The following NXPE2 variants were observed in gnomAD, a reference collection of about 807,000 sequenced individuals.
NXPE2 encodes neurexophilin and PC-esterase domain family member 2.
A neutral mutation model predicts 34.4 loss-of-function variants in NXPE2; 34 were observed. The ratio of observed to expected loss-of-function variants is 0.99; its 90% CI spans 0.75 to 1.31. The LOEUF is 1.31. Among genes scored for constraint, NXPE2 ranks in the 40% most tolerant of loss-of-function variants. The probability of loss-of-function intolerance (pLI) is 0.00; values close to 1 mark genes in which losing one functional copy is unlikely to be tolerated. For synonymous variants in NXPE2, 235 were observed against 231.3 expected (o/e 1.02, Z -0.15); for missense variants, 649 against 672.5 (o/e 0.97, Z 0.39).
chr11:114,706,868 G>T lies in NXPE2; in HGVS notation c.1618G>T (p.Ala540Ser), dbSNP rs1352610542. The T allele has an allele frequency of 6.4e-7, 1 of 1,551,774 alleles. No homozygotes were observed. Among genetic ancestry groups the T allele is most frequent in the Admixed American group, 2.0e-5 (1 of 50,986 alleles). ...DMTIAYCTNN[A>S]HPPDYVIQNQ... ...GACGATTGCATATTGCACCAACAAT[G>T]CCCATCCACCGGATTATGTGATTCA... The change falls in exon 6 of 6, where the codon GCC (alanine) becomes TCC (serine). Residue 540 changes from alanine (A) to serine (S), a missense_variant. Physicochemically the swap from Ala to Ser is moderately conservative, Grantham distance 99. Coordinates refer to ENST00000389586, the MANE Select transcript of NXPE2 (RefSeq NM_182495.6).
At chr11:114,592,284 C>T in the NXPE2 span, among the ~76,000 whole-genome samples, 1 of 152,080 alleles carries the variant, frequency 6.6e-6, no homozygotes, top group African/African-American at 2.4e-5. Flanking sequence ...CCATAGACTT[C>T]AGTGAAAAAC....
At chr11:114,720,804 A>G in the NXPE2 span, among the ~76,000 whole-genome samples, 27 of 152,148 alleles carry the variant, frequency 1.8e-4, 1 homozygote, top group Admixed American at 4.6e-4. Context: ...TTACATTTCT[A>G]TTTTTAATGT....
the NXPE2 span, among the ~76,000 whole-genome samples, chr11:114,714,982 C>CT: frequency 1.6e-4 from 25 of 152,256 alleles, no homozygotes; most frequent in Admixed American, 1.3e-4. Flanking sequence ...GATCATGCCA[C>CT]TGCACTCCAG....
chr11:114,717,769 A>T, the NXPE2 span, among the ~76,000 whole-genome samples: 1 of 152,044 alleles, frequency 6.6e-6, no homozygotes, highest in African/African-American at 2.4e-5. Flanking sequence ...CATCTTCTCG[A>T]CAGCTCTCTG....
At chr11:114,780,926 G>A in the NXPE2 span, among the ~76,000 whole-genome samples, 1 of 152,202 alleles carries the variant, frequency 6.6e-6, no homozygotes, top group South Asian at 2.1e-4. Context: ...GGGGAGGAGA[G>A]TGATGAGGGG....
chr11:114,560,937 T>C, the NXPE2 span, among the ~76,000 whole-genome samples: 1 of 152,216 alleles, frequency 6.6e-6, no homozygotes, highest in Non-Finnish European at 1.5e-5. Context: ...CTCTGTCTTT[T>C]TGTGGCTTGA....
chr11:114,666,017 T>A, the NXPE2 span, among the ~76,000 whole-genome samples: 1 of 152,088 alleles, frequency 6.6e-6, no homozygotes, highest in Non-Finnish European at 1.5e-5. Context: ...CCAGTGCCCT[T>A]ACTTCCACAC....
At chr11:114,529,819 TG>T in the NXPE2 span, 1 of 214,970 alleles carries the variant, frequency 4.7e-6, no homozygotes, top group Non-Finnish European at 9.3e-6. Context: ...GCACTGTGCG[TG>T]GGGGGAAATG....
At chr11:114,540,406 A>T in the NXPE2 span, among the ~76,000 whole-genome samples, 2 of 152,232 alleles carry the variant, frequency 1.3e-5, no homozygotes, top group Non-Finnish European at 2.9e-5. Flanking sequence ...AAAATTAAGT[A>T]TGTAAATTAA....
At chr11:114,491,710 G>A in the NXPE2 span, among the ~76,000 whole-genome samples, 10 of 152,254 alleles carry the variant, frequency 6.6e-5, no homozygotes, top group South Asian at 4.1e-4. Context: ...ACATGCACAC[G>A]TGTGTTTATT....
chr11:114,473,323 T>A, the NXPE2 span, among the ~76,000 whole-genome samples: 1 of 152,238 alleles, frequency 6.6e-6, no homozygotes, highest in African/African-American at 2.4e-5. Flanking sequence ...TTTGCCACAA[T>A]AATCAGTGTG....
chr11:114,530,058 T>C, the NXPE2 span: 2 of 1,088,892 alleles, frequency 1.8e-6, no homozygotes, highest in African/African-American at 3.2e-5. Context: ...ACACCACATG[T>C]CTTACCTTGA....
Position 114,703,990 on chromosome 11 carries a change from G to C in NXPE2, c.867-1G>C. On this transcript the variant is annotated splice_acceptor_variant, in intron 3 of 5. Coordinates refer to ENST00000389586, the MANE Select transcript of NXPE2 (RefSeq NM_182495.6). LOFTEE classifies it high-confidence loss of function. ...CTAATTTATTTTCCCATTTCTTGCA[G>C]GTCCAACATAGGAGTTGAAATGATG... 1 of 1,550,112 alleles carries C rather than the reference G, an allele frequency of 6.5e-7. No individual in the cohort carries two copies. The highest frequency in any genetic ancestry group is 8.7e-7 in the Non-Finnish European group (1 of 1,145,194).
the NXPE2 span, among the ~76,000 whole-genome samples, chr11:114,535,620 A>C: frequency 6.6e-6 from 1 of 152,226 alleles, no homozygotes; most frequent in Non-Finnish European, 1.5e-5. Context: ...AAAAAAATGC[A>C]GGGATTGCAA....
chr11:114,531,047 A>G, the NXPE2 span: 7 of 879,568 alleles, frequency 8.0e-6, no homozygotes, highest in African/African-American at 1.2e-4. Flanking sequence ...ATTTGGTAAT[A>G]AAGTGGCATA....
chr11:114,476,187 C>A, the NXPE2 span, among the ~76,000 whole-genome samples: 1 of 152,094 alleles, frequency 6.6e-6, no homozygotes. Context: ...GTAGTAATAG[C>A]TTTAAAGTAA....
intron 2 of NXPE2, among the ~76,000 whole-genome samples, chr11:114,680,991 T>C (rs1313734831): frequency 2.6e-5 from 4 of 152,174 alleles, no homozygotes; most frequent in African/African-American, 9.6e-5. Context: ...ACAAATTCTC[T>C]ACTTTTATCT....
the NXPE2 span, among the ~76,000 whole-genome samples, chr11:114,630,706 C>G: frequency 5.3e-5 from 8 of 150,982 alleles, no homozygotes; most frequent in African/African-American, 2.0e-4. Flanking sequence ...TTCTGCACAG[C>G]AAAAGAAACT....
the NXPE2 span, among the ~76,000 whole-genome samples, chr11:114,658,445 C>T: frequency 1.3e-5 from 2 of 152,066 alleles, no homozygotes; most frequent in African/African-American, 2.4e-5. Context: ...CTCCACTGGG[C>T]ACTCATGAGA....
Sources: allele counts gnomAD v4.1 joint callset (sites outside exome capture counted in the v4.1 genomes callset), GRCh38; gene constraint gnomAD v4.1.1; transcripts MANE v1.5; gene names NCBI Gene and HGNC (gene_info 2026-07-23, HGNC 2026-07-21).